Variants in SIK3 observed in about 807,000 individuals in gnomAD.
SIK3 encodes the protein SIK family kinase 3.
A neutral mutation model predicts 144.2 loss-of-function variants in SIK3; 28 were observed. The ratio of observed to expected loss-of-function variants is 0.19; its 90% CI spans 0.14 to 0.27. The LOEUF (loss-of-function observed/expected upper bound fraction) is 0.27, where lower values mean the gene tolerates loss of function less well. Ranked by LOEUF, SIK3 falls within the 10% of genes least tolerant of loss-of-function variation. The probability of loss-of-function intolerance (pLI) is 1.00; values close to 1 mark genes in which losing one functional copy is unlikely to be tolerated. For missense variants in SIK3, 1,319 were observed against 1,776.0 expected (o/e 0.74, Z 4.62); for synonymous variants, 686 against 676.3 (o/e 1.01, Z -0.22).
At chr11:116,863,555 A>G in intron 16 of SIK3, 113 bp downstream of exon 16, 7 of 1,478,512 alleles carry the variant, frequency 4.7e-6, no homozygotes, top group Admixed American at 1.8e-5. Context: ...TTTAACCTAT[A>G]AAACTGCAAT....
At chr11:117,092,086 C>T (rs1315147523) in intron 1 of SIK3, among the ~76,000 whole-genome samples, 1 of 152,068 alleles carries the variant, frequency 6.6e-6, no homozygotes, top group Non-Finnish European at 1.5e-5. Flanking sequence ...CATCCAGCCA[C>T]GTTTTAAAAA....
chr11:116,974,200 G>A (rs1435652911), intron 1 of SIK3, among the ~76,000 whole-genome samples: 1 of 152,180 alleles, frequency 6.6e-6, no homozygotes, highest in African/African-American at 2.4e-5. Context: ...GGAATGCTCT[G>A]CTCTTCTAGC....
chr11:116,862,440 G>A, intron 16 of SIK3, 113 bp from the exon 17 acceptor site: 2 of 1,378,274 alleles, frequency 1.5e-6, no homozygotes, highest in Non-Finnish European at 2.0e-6. Context: ...AGCCGCAAGA[G>A]AACAGTGTCC....
intron 4 of SIK3, among the ~76,000 whole-genome samples, chr11:116,907,228 T>C (rs1395813062): frequency 6.6e-6 from 1 of 152,258 alleles, no homozygotes; most frequent in African/African-American, 2.4e-5. Context: ...AAAATTAGTA[T>C]GAATCAGATG....
intron 1 of SIK3, among the ~76,000 whole-genome samples, chr11:117,043,705 A>C (rs1054027313): frequency 1.3e-4 from 20 of 152,204 alleles, no homozygotes; most frequent in African/African-American, 4.8e-4. Flanking sequence ...ATGTCTAATT[A>C]ATTATTTAAC....
intron 1 of SIK3, among the ~76,000 whole-genome samples, chr11:117,036,509 A>T (rs1224918216): frequency 6.6e-6 from 1 of 151,974 alleles, no homozygotes; most frequent in Non-Finnish European, 1.5e-5. Flanking sequence ...TTTCCCCTAA[A>T]ATTGTTAGAA....
intron 1 of SIK3, among the ~76,000 whole-genome samples, chr11:116,965,771 ATATAT>A (rs1949517216): frequency 5.1e-5 from 2 of 39,558 alleles, no homozygotes; most frequent in Non-Finnish European, 1.1e-4. Context: ...ATATATATAT[ATATAT>A]ATATATAAAT....
chr11:117,069,184 T>TGGG (rs34598824), intron 1 of SIK3, among the ~76,000 whole-genome samples: 4 of 83,054 alleles, frequency 4.8e-5, no homozygotes, highest in East Asian at 5.0e-4. Flanking sequence ...GATTTTTTTT[T>TGGG]GGGGGGGGGG....
intron 4 of SIK3, among the ~76,000 whole-genome samples, chr11:116,905,215 T>G (rs1181324022): frequency 6.6e-6 from 1 of 152,248 alleles, no homozygotes; most frequent in Non-Finnish European, 1.5e-5. Flanking sequence ...ATATATAAGC[T>G]TTAGTGTCTG....
chr11:116,956,160 G>A (rs1197007614), intron 2 of SIK3, among the ~76,000 whole-genome samples: 1 of 152,124 alleles, frequency 6.6e-6, no homozygotes. Flanking sequence ...ATTGCAATTT[G>A]AGAAGCATCC....
intron 1 of SIK3, among the ~76,000 whole-genome samples, chr11:117,004,647 T>C (rs1950976753): frequency 6.6e-6 from 1 of 152,182 alleles, no homozygotes; most frequent in Non-Finnish European, 1.5e-5. Context: ...AGAGGCACTA[T>C]TATTAAGACC....
chr11:117,002,992 C>T (rs1290100043), intron 1 of SIK3, among the ~76,000 whole-genome samples: 1 of 152,234 alleles, frequency 6.6e-6, no homozygotes, highest in African/African-American at 2.4e-5. Flanking sequence ...CAATGAAAAG[C>T]AGTCAGTGTT....
intron 6 of SIK3, among the ~76,000 whole-genome samples, chr11:116,881,304 A>T (rs1944534460): frequency 6.6e-6 from 1 of 152,204 alleles, no homozygotes; most frequent in African/African-American, 2.4e-5. Flanking sequence ...AGCTGCTTTC[A>T]TCTGCTCCAT....
intron 16 of SIK3, among the ~76,000 whole-genome samples, chr11:116,862,934 C>A (rs1943429902): frequency 6.6e-6 from 1 of 152,056 alleles, no homozygotes; most frequent in Non-Finnish European, 1.5e-5. Flanking sequence ...AATTAGCTGG[C>A]ATGGTGGTGC....
intron 1 of SIK3, among the ~76,000 whole-genome samples, chr11:117,010,790 GTACATA>G (rs1488092396): frequency 6.6e-6 from 1 of 152,092 alleles, no homozygotes; most frequent in Non-Finnish European, 1.5e-5. Context: ...ATGTATAAAT[GTACATA>G]TACATATACT....
At chr11:117,017,417 C>G (rs1951583863) in intron 1 of SIK3, among the ~76,000 whole-genome samples, 1 of 152,198 alleles carries the variant, frequency 6.6e-6, no homozygotes, top group South Asian at 2.1e-4. Flanking sequence ...GCTCATTAAG[C>G]TGTGTATTTT....
At chr11:116,982,943 CAAAAAAAAAAAA>C (rs35698580) in intron 1 of SIK3, among the ~76,000 whole-genome samples, 5 of 69,854 alleles carry the variant, frequency 7.2e-5, no homozygotes, top group African/African-American at 2.8e-4. Context: ...GACTCCGTCT[CAAAAAAAAAAAA>C]AAAAAAAAAA....
intron 13 of SIK3, 53 bp downstream of exon 13, chr11:116,873,428 C>A: frequency 6.2e-7 from 1 of 1,613,426 alleles, no homozygotes; most frequent in Non-Finnish European, 8.5e-7. Context: ...GGCTCACAAC[C>A]TTTTTATCAA....
chr11:116,937,397 T>C (rs1178450710), intron 3 of SIK3, among the ~76,000 whole-genome samples: 1 of 152,194 alleles, frequency 6.6e-6, no homozygotes, highest in African/African-American at 2.4e-5. Context: ...ACTGAAACAA[T>C]TCAGAATTGA....
Sources: allele counts gnomAD v4.1 joint callset (sites outside exome capture counted in the v4.1 genomes callset), GRCh38; gene constraint gnomAD v4.1.1; transcripts MANE v1.5; gene names NCBI Gene and HGNC (gene_info 2026-07-23, HGNC 2026-07-21).